The following CEP164 variants were observed in gnomAD, a reference collection of about 807,000 sequenced individuals.
CEP164 encodes the protein centrosomal protein 164.
In CEP164, 162 loss-of-function variants were observed where a neutral mutation model predicts 182.7. That is an observed-to-expected ratio of 0.89 (90% CI 0.78 to 1.01). CEP164 has a LOEUF of 1.01. Among genes scored for constraint, CEP164 ranks in the 50% least tolerant of loss-of-function variants. The probability of loss-of-function intolerance (pLI) is 0.00; values close to 1 mark genes in which losing one functional copy is unlikely to be tolerated. For missense variants in CEP164, 1,735 were observed against 1,790.4 expected (o/e 0.97, Z 0.56); for synonymous variants, 661 against 690.0 (o/e 0.96, Z 0.66).
upstream of CEP164, among the ~76,000 whole-genome samples, chr11:117,326,532 A>C (rs1438308692): frequency 1.3e-5 from 2 of 152,152 alleles, no homozygotes; most frequent in Non-Finnish European, 2.9e-5. Flanking sequence ...TGTGCCTGGC[A>C]AAGTGCTAGG....
At position 117,333,796 on chromosome 11, in the gene CEP164, A is replaced by T. The variant is rs1313064395; in HGVS notation, c.-97-1809A>T. On this transcript the variant is annotated intron_variant, in intron 1 of 32. Transcript: ENST00000278935. ...AGCGATCCTCCTGCTTTGGCCTCCC[A>T]AAGTGCTGAGATTGCAGGTGTGAGC... is the stretch of plus-strand genomic sequence containing the variant. 4.6e-5 allele frequency among the ~76,000 whole-genome samples: 7 copies of T among 152,006 alleles called. No homozygotes were observed. The East Asian group carries it at 1.4e-3, about 29-fold the overall frequency.
At chr11:117,356,044 G>A in intron 5 of CEP164, 1 of 1,123,678 alleles carries the variant, frequency 8.9e-7, no homozygotes, top group Non-Finnish European at 1.1e-6. Flanking sequence ...CCTCACACCT[G>A]GGCTCTCCTG....
intron 25 of CEP164, 21 bp downstream of exon 25, chr11:117,396,201 TGG>T: frequency 5.2e-6 from 2 of 386,364 alleles, no homozygotes; most frequent in Non-Finnish European, 1.1e-5. Context: ...GGCTGGGGCC[TGG>T]GGGCTGGGGC....
intron 15 of CEP164, among the ~76,000 whole-genome samples, chr11:117,389,208 T>A (rs1303443586): frequency 6.6e-6 from 1 of 152,194 alleles, no homozygotes; most frequent in African/African-American, 2.4e-5. Flanking sequence ...TTTTCCTAGG[T>A]TTGAATTCCC....
chr11:117,324,897 G>GCAAA (rs542359839), upstream of CEP164, among the ~76,000 whole-genome samples: 807 of 152,144 alleles, frequency 5.3e-3, 5 homozygotes, highest in Middle Eastern at 0.01. Context: ...ATCTCAAAAA[G>GCAAA]CAAACAAACA....
intron 3 of CEP164, among the ~76,000 whole-genome samples, 154 bp downstream of exon 3, chr11:117,338,822 C>T (rs1353271292): frequency 1.3e-5 from 2 of 151,956 alleles, no homozygotes; most frequent in African/African-American, 4.8e-5. Context: ...CCTACCTTGG[C>T]CTCTTGCCTG....
At position 117,362,557 on chromosome 11, in the gene CEP164, C is replaced by T. The variant is rs772992391; in HGVS notation, c.687+19C>T. On this transcript the variant is annotated intron_variant, in intron 7 of 32. Transcript: ENST00000278935. ...CAACCAGGTAATGATGAAGTCCTCTCCCTGGCCTGGAAACCCTCTGTGCCA... is the reference window on the plus strand; with the variant it reads ...CAACCAGGTAATGATGAAGTCCTCTTCCTGGCCTGGAAACCCTCTGTGCCA... The T allele has an allele frequency of 3.7e-6, 6 of 1,608,744 alleles. No homozygotes were observed. In the Admixed American group the frequency reaches 6.7e-5, roughly 18 times the overall value.
rs773835401 is a variant in CEP164, at chr11:117,408,884, C to T, written c.3610-6C>T. On this transcript the variant is annotated splice_polypyrimidine_tract_variant and splice_region_variant and intron_variant, in intron 28 of 32. Transcript: ENST00000278935. ...GTGGGTCATAACTGCTGACTTTACC[C>T]CACAGGCCTCAGATGAGGGCACTCT... 8 of 1,613,954 alleles carry T rather than the reference C, an allele frequency of 5.0e-6. No individual in the cohort carries two copies. The highest frequency in any genetic ancestry group is 6.8e-6 in the Non-Finnish European group (8 of 1,180,008).
intron 5 of CEP164, chr11:117,356,305 T>C: frequency 2.7e-6 from 3 of 1,119,112 alleles, no homozygotes; most frequent in Non-Finnish European, 3.3e-6. Context: ...TGGGGCTGCC[T>C]GAGAGCATGC....
chr11:117,409,619 C>A lies in CEP164; in HGVS notation c.3750C>A (p.Ile1250=). 6.2e-7 allele frequency: 1 copy of A among 1,602,700 alleles called. No homozygotes were observed. The highest frequency in any genetic ancestry group is 8.5e-7 in the Non-Finnish European group (1 of 1,171,726). Residue 1250 remains isoleucine (I), a splice_region_variant and synonymous_variant, in exon 30 of 33, where the codon ATC becomes ATA. Transcript: ENST00000278935. The surrounding 1 kb of genome is among the most constrained non-coding windows in gnomAD (Gnocchi z 4.4). ...PHREWWRQQR[I]DSTPSLTSRK... ...CACCATCCACCTCTTTTCTTTCAGTCGACTCAACCCCGAGTCTCACCTCCC... is the reference window on the plus strand; with the variant it reads ...CACCATCCACCTCTTTTCTTTCAGTAGACTCAACCCCGAGTCTCACCTCCC...
chr11:117,339,124 C>A (rs1298527339), intron 3 of CEP164, among the ~76,000 whole-genome samples: 1 of 152,084 alleles, frequency 6.6e-6, no homozygotes, highest in Non-Finnish European at 1.5e-5. Context: ...GGCTACTTGC[C>A]TATTTTTGTA....
At chr11:117,393,361 A>G (rs2044975075) in intron 20 of CEP164, among the ~76,000 whole-genome samples, 2 of 152,114 alleles carry the variant, frequency 1.3e-5, no homozygotes, top group African/African-American at 2.4e-5. Flanking sequence ...AACATGAGAA[A>G]AACCTCCACC....
Position 117,381,820 on chromosome 11 carries a change from T to G in CEP164, c.1529T>G (p.Leu510Arg). Residue 510 changes from leucine to arginine, a missense_variant, in exon 13 of 33, where the codon CTT becomes CGT. Leu to Arg is a moderately radical substitution (Grantham distance 102). Coordinates refer to ENST00000278935, the MANE Select transcript of CEP164 (RefSeq NM_014956.5). ...CCCGAGTGGAAGGAGGCAGAGGAGC[T>G]TGGGGAGGACTCTGCAGCCAGCCTC... ...GQPEWKEAEE[L>R]GEDSAASLSL... is the part of the protein sequence containing the mutation. 6.5e-7 allele frequency: 1 copy of G among 1,548,368 alleles called. No individual in the cohort carries two copies. Among genetic ancestry groups the G allele is most frequent in the Non-Finnish European group, 8.7e-7 (1 of 1,146,156 alleles).
chr11:117,355,150 C>A, intron 5 of CEP164: 1 of 1,289,870 alleles, frequency 7.8e-7, no homozygotes, highest in Non-Finnish European at 1.0e-6. Context: ...TCTCCAAAGG[C>A]CAACCTTCCC....
At chr11:117,352,746 C>T (rs928288948) in intron 5 of CEP164, among the ~76,000 whole-genome samples, 2 of 152,288 alleles carry the variant, frequency 1.3e-5, no homozygotes, top group Middle Eastern at 3.4e-3. Context: ...GCCACCACGC[C>T]TGGCTAATTT....
chr11:117,411,676 A>G lies in CEP164; in HGVS notation c.4164-119A>G. On this transcript the variant is annotated intron_variant, in intron 31 of 32. Transcript: ENST00000278935. This position sits in a 1 kb window ranked among gnomAD's most constrained non-coding sequence, Gnocchi z 4.4. ...TTTGAATTGCTAGGGACCTCGGAGAAGCTGCTCTGGTAGCTGAGAGAAAGA... is the reference window on the plus strand; with the variant it reads ...TTTGAATTGCTAGGGACCTCGGAGAGGCTGCTCTGGTAGCTGAGAGAAAGA... 1 of 1,405,072 alleles carries G rather than the reference A, an allele frequency of 7.1e-7. No individual in the cohort carries two copies. Among genetic ancestry groups the G allele is most frequent in the Admixed American group, 2.0e-5 (1 of 50,358 alleles). The allele number at this position is 1,405,072 out of a possible 1,614,324, so 87.0% of individuals were successfully genotyped here. A position where few individuals can be genotyped will look rare whatever the true frequency, so the allele number is the denominator to read the frequency against.
chr11:117,390,269 G>A (rs2044466825), intron 15 of CEP164, among the ~76,000 whole-genome samples: 2 of 152,064 alleles, frequency 1.3e-5, no homozygotes, highest in South Asian at 4.1e-4. Flanking sequence ...AAGCAAAGGG[G>A]AGTTCATGGT....
At chr11:117,387,579 C>T (rs1045445755) in intron 15 of CEP164, among the ~76,000 whole-genome samples, 167 bp downstream of exon 15, 16 of 152,188 alleles carry the variant, frequency 1.1e-4, no homozygotes, top group Non-Finnish European at 1.9e-4. Context: ...ATTGGTTACA[C>T]CTAGTTGCAG....
At chr11:117,344,804 T>C (rs1040586822) in intron 4 of CEP164, among the ~76,000 whole-genome samples, 5 of 152,064 alleles carry the variant, frequency 3.3e-5, no homozygotes, top group African/African-American at 4.8e-5. Context: ...AGTGCACACC[T>C]GCAGTCCTAG....
Sources: allele counts gnomAD v4.1 joint callset (sites outside exome capture counted in the v4.1 genomes callset), GRCh38; gene constraint gnomAD v4.1.1; non-coding constraint Gnocchi (gnomAD v3.1); transcripts MANE v1.5; gene names NCBI Gene and HGNC (gene_info 2026-07-23, HGNC 2026-07-21).